Variants in C5orf47 observed in about 807,000 individuals in gnomAD.
C5orf47 encodes chromosome 5 open reading frame 47.
In C5orf47, 20 loss-of-function variants were observed where a neutral mutation model predicts 20.6. The ratio of observed to expected loss-of-function variants is 0.97; its 90% CI spans 0.68 to 1.41. The LOEUF is 1.41. Among genes scored for constraint, C5orf47 ranks in the 40% most tolerant of loss-of-function variants. The pLI, the probability that C5orf47 is intolerant of heterozygous loss-of-function variation, is 0.00. For missense variants in C5orf47, 262 were observed against 238.4 expected, an observed-to-expected ratio of 1.10 and a Z score of -0.65; for synonymous variants, 106 against 97.3, an observed-to-expected ratio of 1.09 and a Z score of -0.53.
chr5:173,993,514 G>C (rs114654946), intron 1 of C5orf47, among the ~76,000 whole-genome samples: 1 of 152,066 alleles, frequency 6.6e-6, no homozygotes, highest in Admixed American at 6.5e-5. Flanking sequence ...GGTGGTGCGC[G>C]CCTGCTGTAA....
intron 1 of C5orf47, among the ~76,000 whole-genome samples, 186 bp downstream of exon 1, chr5:173,989,774 C>T (rs570357626): frequency 3.3e-5 from 5 of 152,346 alleles, no homozygotes; most frequent in Admixed American, 2.6e-4. Context: ...CCAGCTGTGG[C>T]CGGCACGGGC....
rs115483029 is a variant in C5orf47 at position 173,994,087 on chromosome 5, G to C, written c.326-4066G>C. On this transcript the variant is annotated intron_variant, in intron 1 of 4. Transcript: ENST00000340147. ...AGAAGTGGTAGTTGGTTGGCAAGAG[G>C]TCAGGTGAATGTGGTGGATGAGGCA... Among the ~76,000 whole-genome samples the C allele has an allele frequency of 3.6e-3, 545 of 152,324 alleles. 5 individuals carry two copies. The highest frequency in any genetic ancestry group is 0.013 in the African/African-American group (525 of 41,576).
chr5:174,002,101 A>G (rs964583640), intron 4 of C5orf47, among the ~76,000 whole-genome samples: 15 of 151,662 alleles, frequency 9.9e-5, no homozygotes, highest in Non-Finnish European at 1.8e-4. Context: ...TAGGACTACA[A>G]GTATGCACCA....
intron 3 of C5orf47, 96 bp from the exon 4 acceptor site, chr5:174,001,100 G>GTATTATAAC (rs1581197250): frequency 1.3e-6 from 1 of 751,966 alleles, no homozygotes; most frequent in East Asian, 2.7e-5. Flanking sequence ...GTTTAAAAAT[G>GTATTATAAC]TATTATAACT....
chr5:174,006,292 A>G (rs1247768209), downstream of C5orf47, among the ~76,000 whole-genome samples: 3 of 152,188 alleles, frequency 2.0e-5, no homozygotes, highest in Admixed American at 2.0e-4. Context: ...AATATTTGCA[A>G]CTTACGGTTT....
At position 174,005,781 on chromosome 5, in the gene C5orf47, A is replaced by T. The variant is rs559606565; in HGVS notation, c.*1527A>T. 5 of 152,466 alleles carry T rather than the reference A, an allele frequency of 3.3e-5. No individual in the cohort carries two copies. The South Asian group carries it at 1.0e-3, about 32-fold the overall frequency. The allele number at this position is 152,466 out of a possible 1,614,324, so 9.4% of individuals were successfully genotyped here. A position where few individuals can be genotyped will look rare whatever the true frequency, so the allele number is the denominator to read the frequency against. On this transcript the variant is annotated 3_prime_UTR_variant, in exon 5 of 5. Coordinates refer to ENST00000340147, the MANE Select transcript of C5orf47 (RefSeq NM_001144954.2). ...ATGTTTATATTTATGTGACTTATAC[A>T]ACTTGACATAGTAGTCTGTTTTAAT...
chr5:174,001,947 C>CTT (rs531174254), intron 4 of C5orf47, among the ~76,000 whole-genome samples: 3 of 143,534 alleles, frequency 2.1e-5, no homozygotes, highest in Admixed American at 7.0e-5. Flanking sequence ...TATCTTTTTT[C>CTT]TTTTTTTTTT....
rs1758924562 is a variant in C5orf47, at chr5:173,989,192, TG to T, written c.-71del. 8.4e-6 allele frequency: 11 copies of T among 1,303,514 alleles called. No individual in the cohort carries two copies. Among genetic ancestry groups the T allele is most frequent in the Non-Finnish European group, 1.1e-5 (11 of 1,023,674 alleles). 80.7% of individuals were successfully genotyped at this position (1,303,514 alleles called of 1,614,324 possible). A position where few individuals can be genotyped will look rare whatever the true frequency, so the allele number is the denominator to read the frequency against. Reference sequence around the variant, plus strand: ...CCTAACCGCTCCCGCATCCCTCGCCTGCACAGTGGGCAGTCTGGCGCCTGTG... The same window carrying T: ...CCTAACCGCTCCCGCATCCCTCGCCTCACAGTGGGCAGTCTGGCGCCTGTG... On this transcript the variant is annotated 5_prime_UTR_variant, in exon 1 of 5. Coordinates refer to ENST00000340147, the MANE Select transcript of C5orf47 (RefSeq NM_001144954.2).
chr5:173,997,422 G>T (rs1759117475), intron 1 of C5orf47, among the ~76,000 whole-genome samples: 1 of 152,164 alleles, frequency 6.6e-6, no homozygotes, highest in Non-Finnish European at 1.5e-5. Context: ...AGGCAGCATG[G>T]TTTAGTGAGT....
intron 1 of C5orf47, among the ~76,000 whole-genome samples, chr5:173,990,330 C>G (rs1758969750): frequency 6.6e-6 from 1 of 151,944 alleles, no homozygotes; most frequent in Non-Finnish European, 1.5e-5. Flanking sequence ...CCTGTGTTAC[C>G]CAGGCTGGTC....
At chr5:174,000,447 T>A (rs935021176) in intron 3 of C5orf47, among the ~76,000 whole-genome samples, 5 of 152,298 alleles carry the variant, frequency 3.3e-5, no homozygotes, top group African/African-American at 1.2e-4. Context: ...TAATGCAATG[T>A]GAATTGATAA....
At chr5:174,006,297 C>T (rs1057487230), downstream of C5orf47, among the ~76,000 whole-genome samples, 1 of 152,064 alleles carries the variant, frequency 6.6e-6, no homozygotes, top group Non-Finnish European at 1.5e-5. Context: ...TTGCAACTTA[C>T]GGTTTGGGTT....
At chr5:174,001,288 G>A (rs532390837) in intron 4 of C5orf47, 57 bp downstream of exon 4, 1 of 930,714 alleles carries the variant, frequency 1.1e-6, no homozygotes, top group East Asian at 2.6e-5. Flanking sequence ...CTTCCCTTCT[G>A]TATCCTCCCT....
At position 173,991,511 on chromosome 5, in the gene C5orf47, T is replaced by G. The variant is rs866016495; in HGVS notation, c.325+1923T>G. 1.4e-4 allele frequency among the ~76,000 whole-genome samples: 22 copies of G among 152,032 alleles called. No individual in the cohort carries two copies. The South Asian group carries it at 1.7e-3, about 11-fold the overall frequency. ...ATACTTATTTTTTCAGTGTTTGTTT[T>G]TTTTTTTTTATCATGAATGGGTGTT... On this transcript the variant is annotated intron_variant, in intron 1 of 4. Transcript: ENST00000340147.
At chr5:174,003,980 T>A (rs1463744731) in intron 4 of C5orf47, among the ~76,000 whole-genome samples, 1 of 152,168 alleles carries the variant, frequency 6.6e-6, no homozygotes, top group African/African-American at 2.4e-5. Flanking sequence ...GGCCTGGAGG[T>A]GAAAGCCTGT....
rs1365937272 is a variant in C5orf47, at chr5:174,005,506, C to T, written c.*1252C>T. 6.6e-6 allele frequency: 1 copy of T among 152,214 alleles called. No homozygotes were observed. Among genetic ancestry groups the T allele is most frequent in the Admixed American group, 6.6e-5 (1 of 15,262 alleles). The allele number at this position is 152,214 out of a possible 1,614,324, so 9.4% of individuals were successfully genotyped here. On this transcript the variant is annotated 3_prime_UTR_variant, in exon 5 of 5. Coordinates refer to ENST00000340147, the MANE Select transcript of C5orf47 (RefSeq NM_001144954.2). ...TGTTTCTAGATGAAGGACACATTGC[C>T]TGGGGAAATGGCCTCGGTTTTTTTG...
intron 1 of C5orf47, among the ~76,000 whole-genome samples, chr5:173,992,478 T>C (rs982618061): frequency 8.5e-5 from 13 of 152,198 alleles, no homozygotes; most frequent in African/African-American, 3.1e-4. Flanking sequence ...CTCATTAATT[T>C]CTGCTTTTAA....
intron 1 of C5orf47, among the ~76,000 whole-genome samples, chr5:173,990,371 C>T (rs1332613845): frequency 1.3e-5 from 2 of 152,274 alleles, no homozygotes; most frequent in East Asian, 3.9e-4. Context: ...GATCCTCCTG[C>T]CTCAGCCTCA....
chr5:173,998,087 G>T, intron 1 of C5orf47, 66 bp from the exon 2 acceptor site: 1 of 919,150 alleles, frequency 1.1e-6, no homozygotes, highest in South Asian at 1.6e-5. Flanking sequence ...ACATTTATAT[G>T]GTCTCTATTT....
Sources: allele counts gnomAD v4.1 joint callset (sites outside exome capture counted in the v4.1 genomes callset), GRCh38; gene constraint gnomAD v4.1.1; transcripts MANE v1.5; gene names NCBI Gene and HGNC (gene_info 2026-07-23, HGNC 2026-07-21).